DZANK1: variants seen among roughly 807,000 people sequenced by gnomAD.
DZANK1 encodes double zinc ribbon and ankyrin repeat domains 1.
DZANK1 carries 91 observed loss-of-function variants against 94.5 expected under a neutral mutation model. The ratio of observed to expected loss-of-function variants is 0.96; its 90% CI spans 0.81 to 1.15. The LOEUF is 1.15. Among genes scored for constraint, DZANK1 ranks in the 50% most tolerant of loss-of-function variants. DZANK1 has a pLI of 0.00. For synonymous variants in DZANK1, 312 were observed against 325.3 expected (o/e 0.96, Z 0.44); for missense variants, 903 against 916.4 (o/e 0.99, Z 0.19).
At chr20:18,438,396 T>A (rs1163806236) in intron 8 of DZANK1, among the ~76,000 whole-genome samples, 1 of 151,980 alleles carries the variant, frequency 6.6e-6, no homozygotes, top group Non-Finnish European at 1.5e-5. Context: ...GCAAGGTTAT[T>A]CAGAATGGAT....
At chr20:18,432,588 A>C (rs2058327275) in intron 9 of DZANK1, 1 of 152,252 alleles carries the variant, frequency 6.6e-6, no homozygotes, top group Non-Finnish European at 1.5e-5. Flanking sequence ...AGGGAGCTTG[A>C]AGGTGAAAGA....
chr20:18,414,197 C>T (rs2057381852), intron 12 of DZANK1, 151 bp downstream of exon 12: 1 of 863,522 alleles, frequency 1.2e-6, no homozygotes, highest in South Asian at 2.3e-5. Flanking sequence ...TCTAAATTGA[C>T]TGCATTTATT....
intron 13 of DZANK1, among the ~76,000 whole-genome samples, chr20:18,403,815 T>C (rs1365621325): frequency 6.7e-6 from 1 of 149,780 alleles, no homozygotes; most frequent in African/African-American, 2.5e-5. Flanking sequence ...TTTTTTTTTT[T>C]TTGAGATGGA....
At chr20:18,423,056 A>G (rs2057869883) in intron 10 of DZANK1, among the ~76,000 whole-genome samples, 1 of 152,134 alleles carries the variant, frequency 6.6e-6, no homozygotes, top group Non-Finnish European at 1.5e-5. Flanking sequence ...TGAACTCCAC[A>G]TATGACAGTG....
At chr20:18,443,878 G>A (rs62207862) in intron 7 of DZANK1, among the ~76,000 whole-genome samples, 1 of 152,164 alleles carries the variant, frequency 6.6e-6, no homozygotes, top group Non-Finnish European at 1.5e-5. Flanking sequence ...CTGAGGGACA[G>A]GGCTTCTTGC....
chr20:18,404,786 C>T lies in DZANK1; in HGVS notation c.1433-6160G>A, dbSNP rs192465045. 2.4e-3 allele frequency among the ~76,000 whole-genome samples: 361 copies of T among 152,152 alleles called. 1 individual carries two copies. Among genetic ancestry groups the T allele is most frequent in the African/African-American group, 8.2e-3 (342 of 41,496 alleles). On this transcript the variant is annotated intron_variant, in intron 13 of 20. Coordinates refer to ENST00000262547, the Ensembl canonical transcript of DZANK1. The stretch of plus-strand genomic sequence containing the variant: ...GAAGAGCCAGGAGTAGTGGAATGTA[C>T]ATGTAGTCCCTGCAACTCGAGAGGC...
chr20:18,465,157 G>T, intron 2 of DZANK1, 93 bp downstream of exon 2: 1 of 827,928 alleles, frequency 1.2e-6, no homozygotes, highest in Non-Finnish European at 1.9e-6. Flanking sequence ...AGCAAAGAGT[G>T]AGAAAGCAGG....
chr20:18,442,570 T>C (rs2148681994), intron 8 of DZANK1, among the ~76,000 whole-genome samples: 1 of 152,326 alleles, frequency 6.6e-6, no homozygotes, highest in East Asian at 1.9e-4. Context: ...TTGAGCAATA[T>C]ATTAGAAAAA....
chr20:18,393,142 G>T (rs2056112732), intron 17 of DZANK1, among the ~76,000 whole-genome samples: 1 of 152,186 alleles, frequency 6.6e-6, no homozygotes, highest in African/African-American at 2.4e-5. Flanking sequence ...ACAGACACAG[G>T]GGAGGGTGTA....
chr20:18,407,068 C>T (rs144139856), intron 13 of DZANK1, among the ~76,000 whole-genome samples: 1 of 152,298 alleles, frequency 6.6e-6, no homozygotes, highest in East Asian at 1.9e-4. Flanking sequence ...TGTTTTTTTA[C>T]TCTAACCCTT....
intron 13 of DZANK1, among the ~76,000 whole-genome samples, chr20:18,411,258 G>A (rs2057243150): frequency 6.6e-6 from 1 of 151,944 alleles, no homozygotes; most frequent in Non-Finnish European, 1.5e-5. Context: ...TAGTAAGATT[G>A]ACCAAAAAAA....
chr20:18,436,440 T>A (rs888045481), intron 8 of DZANK1, among the ~76,000 whole-genome samples: 2 of 77,254 alleles, frequency 2.6e-5, no homozygotes, highest in Non-Finnish European at 3.0e-5. Flanking sequence ...CGAGACTCCA[T>A]CTCAAAAAAA....
At chr20:18,453,803 A>G (rs2059189957) in exon 5 of DZANK1, 2 of 1,606,296 alleles carry the variant, frequency 1.2e-6, no homozygotes, top group African/African-American at 2.7e-5. Context: ...TTTAGTTTTG[A>G]TCCAACAAAT....
At chr20:18,396,910 G>A (rs2056376095) in intron 14 of DZANK1, among the ~76,000 whole-genome samples, 1 of 152,212 alleles carries the variant, frequency 6.6e-6, no homozygotes. Flanking sequence ...ATCCTGGTAG[G>A]GGGCGGGGAC....
At chr20:18,420,563 A>AC (rs2057728491) in intron 10 of DZANK1, 3 of 228,662 alleles carry the variant, frequency 1.3e-5, no homozygotes, top group African/African-American at 2.3e-5. Context: ...CACATGCCCC[A>AC]CATACTCCCT....
intron 6 of DZANK1, chr20:18,451,798 C>A (rs940241539): frequency 6.2e-6 from 3 of 481,920 alleles, no homozygotes; most frequent in Non-Finnish European, 1.2e-5. Flanking sequence ...CAGCAAAGCC[C>A]GCCTCCTATC....
At chr20:18,456,662 A>G (rs1037913434) in intron 3 of DZANK1, among the ~76,000 whole-genome samples, 2 of 152,020 alleles carry the variant, frequency 1.3e-5, no homozygotes, top group African/African-American at 2.4e-5. Flanking sequence ...AAATGTAATT[A>G]TACATATGTG....
At chr20:18,389,977 CA>C in intron 18 of DZANK1, 149 bp from the exon 19 acceptor site, 1 of 1,227,546 alleles carries the variant, frequency 8.1e-7, no homozygotes, top group Non-Finnish European at 1.1e-6. Flanking sequence ...TCAGGAACCT[CA>C]AGACCTGATC....
At chr20:18,422,747 A>G (rs1437912303) in intron 10 of DZANK1, among the ~76,000 whole-genome samples, 3 of 151,006 alleles carry the variant, frequency 2.0e-5, no homozygotes, top group Non-Finnish European at 2.9e-5. Context: ...AGTGATACTC[A>G]GCCTGTATAG....
Sources: gnomAD v4.1 joint callset for allele counts (sites outside exome capture counted in the v4.1 genomes callset) on GRCh38, gnomAD v4.1.1 for gene constraint, MANE v1.5 for transcripts, NCBI Gene and HGNC (gene_info 2026-07-23, HGNC 2026-07-21) for gene names.